The following CSMD1 variants were observed in gnomAD, a reference collection of about 807,000 sequenced individuals.
The protein encoded by CSMD1 is CUB and Sushi multiple domains 1.
A neutral mutation model predicts 417.5 loss-of-function variants in CSMD1; 213 were observed. The observed-to-expected ratio is 0.51, with a 90% CI of 0.46 to 0.57. The LOEUF (loss-of-function observed/expected upper bound fraction) is 0.57. Among genes scored for constraint, CSMD1 ranks in the 20% least tolerant of loss-of-function variants. The pLI, the probability that CSMD1 is intolerant of heterozygous loss-of-function variation, is 0.00. For synonymous variants in CSMD1, 2,862 were observed against 1,736.8 expected, an observed-to-expected ratio of 1.65 and a Z score of -16.11; for missense variants, 6,923 against 4,529.7, an observed-to-expected ratio of 1.53 and a Z score of -15.17.
intron 37 of CSMD1, among the ~76,000 whole-genome samples, chr8:3,169,696 C>A (rs1029614809): frequency 6.6e-6 from 1 of 150,962 alleles, no homozygotes; most frequent in African/African-American, 2.4e-5. Context: ...ACTGAGGAGC[C>A]CGCTGAGTCT....
chr8:3,669,631 C>T (rs886118594), intron 7 of CSMD1, among the ~76,000 whole-genome samples: 7 of 152,266 alleles, frequency 4.6e-5, no homozygotes, highest in East Asian at 3.9e-4. Flanking sequence ...GGTATTCGCC[C>T]GCTGGGTACA....
chr8:3,537,837 C>A (rs1172914586), intron 10 of CSMD1, among the ~76,000 whole-genome samples: 5 of 152,192 alleles, frequency 3.3e-5, no homozygotes, highest in Non-Finnish European at 7.3e-5. Context: ...GTTACAGACA[C>A]AATAAATACT....
At chr8:3,574,806 C>A (rs562927912) in intron 10 of CSMD1, 139 bp downstream of exon 10, 121 of 938,798 alleles carry the variant, frequency 1.3e-4, no homozygotes, top group Admixed American at 2.3e-4. Flanking sequence ...GGCATCTAGA[C>A]ACAGGATGCA....
chr8:4,290,791 C>G (rs1421425006), intron 3 of CSMD1, among the ~76,000 whole-genome samples: 2 of 152,102 alleles, frequency 1.3e-5, no homozygotes, highest in Non-Finnish European at 2.9e-5. Context: ...TTTTGGTAAG[C>G]TTTTACTTTC....
intron 7 of CSMD1, among the ~76,000 whole-genome samples, chr8:3,687,007 G>A (rs1799975453): frequency 6.6e-6 from 1 of 152,226 alleles, no homozygotes; most frequent in Admixed American, 6.5e-5. Context: ...CAGGAGAGAT[G>A]TGACTGGTCA....
chr8:4,166,855 A>C (rs879943447), intron 3 of CSMD1, among the ~76,000 whole-genome samples: 3 of 152,220 alleles, frequency 2.0e-5, no homozygotes, highest in African/African-American at 4.8e-5. Flanking sequence ...AATTTGTTTC[A>C]ATGAACAACA....
intron 3 of CSMD1, among the ~76,000 whole-genome samples, chr8:4,417,371 T>G (rs1371476668): frequency 2.0e-5 from 3 of 152,030 alleles, no homozygotes; most frequent in Admixed American, 6.6e-5. Context: ...TTGAGTTTGG[T>G]GTCCGGATTA....
At chr8:3,597,752 T>A (rs180789659) in intron 8 of CSMD1, among the ~76,000 whole-genome samples, 4 of 151,846 alleles carry the variant, frequency 2.6e-5, no homozygotes, top group African/African-American at 4.8e-5. Flanking sequence ...AACCAAACAT[T>A]GCATGTTCTC....
chr8:4,299,098 A>T (rs1476270814), intron 3 of CSMD1, among the ~76,000 whole-genome samples: 1 of 152,174 alleles, frequency 6.6e-6, no homozygotes, highest in East Asian at 1.9e-4. Context: ...TAAGGAGGGA[A>T]GAAGGTGATA....
intron 18 of CSMD1, among the ~76,000 whole-genome samples, chr8:3,387,234 A>C (rs760322487): frequency 1.3e-5 from 2 of 152,192 alleles, no homozygotes; most frequent in Non-Finnish European, 2.9e-5. Context: ...TATGTAAAAC[A>C]CATGTGCAGA....
chr8:4,383,689 G>C (rs946230708), intron 3 of CSMD1, among the ~76,000 whole-genome samples: 9 of 152,104 alleles, frequency 5.9e-5, no homozygotes, highest in African/African-American at 2.2e-4. Flanking sequence ...AAATATTACA[G>C]TGTGGGAAAC....
chr8:4,464,042 T>TA (rs993196600), intron 2 of CSMD1, among the ~76,000 whole-genome samples: 69 of 151,118 alleles, frequency 4.6e-4, no homozygotes, highest in East Asian at 1.6e-3. Context: ...GTTTACGAAT[T>TA]AAAAAAAAAG....
intron 1 of CSMD1, among the ~76,000 whole-genome samples, chr8:4,983,468 A>G (rs186385885): frequency 1.8e-4 from 27 of 152,332 alleles, no homozygotes; most frequent in Admixed American, 1.8e-3. Context: ...GGACTTTAAG[A>G]TTTATGAAGT....
intron 2 of CSMD1, among the ~76,000 whole-genome samples, chr8:4,602,290 C>T (rs1464708930): frequency 6.6e-6 from 1 of 152,058 alleles, no homozygotes; most frequent in Non-Finnish European, 1.5e-5. Flanking sequence ...AAGAAAGGGG[C>T]CCTGCACAAA....
intron 10 of CSMD1, among the ~76,000 whole-genome samples, chr8:3,512,805 C>T (rs1163871544): frequency 6.6e-6 from 1 of 151,866 alleles, no homozygotes; most frequent in African/African-American, 2.4e-5. Flanking sequence ...AGGGTTTCAC[C>T]ATGTTGGCTA....
chr8:3,488,448 C>T (rs769083913), intron 11 of CSMD1, among the ~76,000 whole-genome samples: 4 of 151,906 alleles, frequency 2.6e-5, no homozygotes, highest in South Asian at 2.1e-4. Flanking sequence ...AGGCTAAAAC[C>T]GATAGATAAA....
intron 17 of CSMD1, among the ~76,000 whole-genome samples, chr8:3,395,822 C>G (rs1317361699): frequency 6.6e-6 from 1 of 152,084 alleles, no homozygotes; most frequent in Non-Finnish European, 1.5e-5. Context: ...ATCCTTTTCT[C>G]CATTGCCCAG....
chr8:3,136,986 G>A (rs1194150221), intron 41 of CSMD1, among the ~76,000 whole-genome samples: 1 of 152,050 alleles, frequency 6.6e-6, no homozygotes, highest in Non-Finnish European at 1.5e-5. Flanking sequence ...GATAATAATT[G>A]CACATATTCA....
At chr8:3,260,519 C>G (rs528199046) in intron 26 of CSMD1, among the ~76,000 whole-genome samples, 6 of 152,196 alleles carry the variant, frequency 3.9e-5, no homozygotes, top group East Asian at 1.9e-4. Context: ...ATAAACATTC[C>G]TCATTTCATT....
Sources: gnomAD v4.1 joint callset for allele counts (sites outside exome capture counted in the v4.1 genomes callset) on GRCh38, gnomAD v4.1.1 for gene constraint, MANE v1.5 for transcripts, NCBI Gene and HGNC (gene_info 2026-07-23, HGNC 2026-07-21) for gene names.